Variants in DENND2B observed in about 807,000 individuals in gnomAD.
DENND2B encodes the protein DENN domain containing 2B.
In DENND2B, 32 loss-of-function variants were observed where a neutral mutation model predicts 116.0. That is an observed-to-expected ratio of 0.28 (90% CI 0.21 to 0.37). The LOEUF is 0.37. Ranked by LOEUF, DENND2B falls within the 10% of genes least tolerant of loss-of-function variation. DENND2B has a pLI of 1.00. For synonymous variants in DENND2B, 588 were observed against 583.9 expected (o/e 1.01, Z -0.10); for missense variants, 1,276 against 1,477.7 (o/e 0.86, Z 2.24).
At chr11:8,877,977 T>C (rs1370280143) in intron 2 of DENND2B, among the ~76,000 whole-genome samples, 3 of 152,162 alleles carry the variant, frequency 2.0e-5, no homozygotes, top group African/African-American at 4.8e-5. Flanking sequence ...GGAGGAAATA[T>C]GGGAATTTGC....
chr11:8,761,798 ATAAAGGC>A (rs147372633), intron 1 of DENND2B, among the ~76,000 whole-genome samples: 5,413 of 152,250 alleles, frequency 0.036, 154 homozygotes, highest in African/African-American at 0.076. Context: ...CTAGGAAATA[ATAAAGGC>A]TAAAGGGACT....
intron 3 of DENND2B, among the ~76,000 whole-genome samples, chr11:8,850,320 T>C (rs1199497827): frequency 2.0e-5 from 3 of 152,144 alleles, no homozygotes; most frequent in Admixed American, 6.6e-5. Context: ...AAGGGGTTAA[T>C]ACCCAAAATA....
chr11:8,770,904 A>T (rs1347245145), intron 1 of DENND2B, among the ~76,000 whole-genome samples: 4 of 152,184 alleles, frequency 2.6e-5, no homozygotes, highest in African/African-American at 9.7e-5. Context: ...ACAGGGAAGT[A>T]CGCACACCCC....
chr11:8,865,958 C>CT (rs1006820556), intron 2 of DENND2B, among the ~76,000 whole-genome samples: 7 of 150,328 alleles, frequency 4.7e-5, no homozygotes, highest in Non-Finnish European at 7.4e-5. Context: ...TTTTCTTTTT[C>CT]TTTTTTTTTC....
chr11:8,859,410 C>T (rs2063317423), intron 2 of DENND2B, among the ~76,000 whole-genome samples: 1 of 152,152 alleles, frequency 6.6e-6, no homozygotes, highest in Non-Finnish European at 1.5e-5. Context: ...CGGGTTCACG[C>T]CATTCTCCTG....
At chr11:8,900,430 CAAAAAA>C (rs3047629) in intron 1 of DENND2B, among the ~76,000 whole-genome samples, 1 of 114,744 alleles carries the variant, frequency 8.7e-6, no homozygotes. Context: ...GACTCCATCT[CAAAAAA>C]AAAAAAAAAA....
intron 3 of DENND2B, among the ~76,000 whole-genome samples, chr11:8,850,216 C>T (rs749642840): frequency 2.0e-5 from 3 of 151,982 alleles, no homozygotes; most frequent in Non-Finnish European, 2.9e-5. Flanking sequence ...AAAAGACAAA[C>T]TGTGAAAAAC....
At chr11:8,776,483 G>A (rs1228283257) in intron 1 of DENND2B, 2 of 344,162 alleles carry the variant, frequency 5.8e-6, no homozygotes, top group Non-Finnish European at 1.1e-5. Context: ...CCGGTGGGAG[G>A]GGCTTCAACA....
intron 1 of DENND2B, among the ~76,000 whole-genome samples, chr11:8,792,198 C>T (rs1002040614): frequency 6.6e-6 from 1 of 152,146 alleles, no homozygotes; most frequent in Non-Finnish European, 1.5e-5. Context: ...GAGTGAGACG[C>T]TATCTCACAC....
intron 1 of DENND2B, chr11:8,774,092 T>A: frequency 1.0e-6 from 1 of 984,808 alleles, no homozygotes; most frequent in Non-Finnish European, 1.2e-6. Context: ...TTGTACAGAT[T>A]GAGTAAGATA....
At chr11:8,866,181 G>A (rs1210545448) in intron 2 of DENND2B, among the ~76,000 whole-genome samples, 5 of 152,164 alleles carry the variant, frequency 3.3e-5, no homozygotes, top group Non-Finnish European at 5.9e-5. Flanking sequence ...GGATGGTCTC[G>A]ACCTCCTGAC....
At chr11:8,708,781 A>G (rs1004596994) in intron 11 of DENND2B, among the ~76,000 whole-genome samples, 6 of 152,110 alleles carry the variant, frequency 3.9e-5, no homozygotes, top group African/African-American at 9.7e-5. Context: ...GAGAAACCCC[A>G]TCTCCACTAA....
intron 1 of DENND2B, among the ~76,000 whole-genome samples, chr11:8,900,249 C>A (rs188136326): frequency 2.7e-5 from 4 of 150,412 alleles, no homozygotes; most frequent in African/African-American, 9.8e-5. Context: ...CACGGTGAAA[C>A]CCCGTCTCTA....
intron 1 of DENND2B, among the ~76,000 whole-genome samples, chr11:8,896,452 T>C (rs2064102865): frequency 6.6e-6 from 1 of 152,204 alleles, no homozygotes; most frequent in Admixed American, 6.5e-5. Context: ...ACTGTGACCT[T>C]TTTTAGGTCA....
chr11:8,901,229 C>CTTTTCTTTT (rs781408078), intron 1 of DENND2B, among the ~76,000 whole-genome samples: 24 of 83,924 alleles, frequency 2.9e-4, no homozygotes, highest in South Asian at 3.8e-4. Context: ...CTTTTCTTTT[C>CTTTTCTTTT]TTTTTTTTTT....
At chr11:8,760,620 G>T (rs1325807855) in intron 1 of DENND2B, among the ~76,000 whole-genome samples, 1 of 151,682 alleles carries the variant, frequency 6.6e-6, no homozygotes, top group African/African-American at 2.4e-5. Flanking sequence ...CCTGTGAGAA[G>T]AAAAAAAGAG....
rs556607336 is a variant in DENND2B, at chr11:8,790,696, G to A, written c.-26+19821C>T. Among the ~76,000 whole-genome samples the A allele has an allele frequency of 3.9e-4, 59 of 152,272 alleles. No individual in the cohort carries two copies. In the Middle Eastern group the frequency reaches 0.014, roughly 35 times the overall value. ...CAGTGGGAGGATCACTTGAGTCCAG[G>A]AGGTAGAGGCTGCAGTGAGGTGTGA... On this transcript the variant is annotated intron_variant, in intron 1 of 19. Coordinates refer to ENST00000313726, the MANE Select transcript of DENND2B (RefSeq NM_213618.2).
At chr11:8,841,808 G>A (rs1302249322) in intron 3 of DENND2B, among the ~76,000 whole-genome samples, 4 of 152,202 alleles carry the variant, frequency 2.6e-5, no homozygotes, top group South Asian at 4.2e-4. Context: ...CCATGAAACG[G>A]AAACAGTCTG....
intron 4 of DENND2B, chr11:8,832,078 G>A (rs2653591): frequency 0.66 from 99,892 of 152,052 alleles, 33,670 homozygotes; most frequent in East Asian, 0.95. Flanking sequence ...CGACTGAGCC[G>A]ACTGTCTCTC....
Sources: allele counts gnomAD v4.1 joint callset (sites outside exome capture counted in the v4.1 genomes callset), GRCh38; gene constraint gnomAD v4.1.1; transcripts MANE v1.5; gene names NCBI Gene and HGNC (gene_info 2026-07-23, HGNC 2026-07-21).